The following ADAMTSL1 variants were observed in gnomAD, a reference collection of about 807,000 sequenced individuals.
ADAMTSL1 encodes the protein ADAMTS-like protein 1.
In ADAMTSL1, 126 loss-of-function variants were observed where a neutral mutation model predicts 201.8. The observed-to-expected ratio is 0.62, with a 90% confidence interval of 0.54 to 0.72. The LOEUF (loss-of-function observed/expected upper bound fraction) is 0.72. Among genes scored for constraint, ADAMTSL1 ranks in the 30% least tolerant of loss-of-function variants. ADAMTSL1 has a pLI of 0.00. For missense variants in ADAMTSL1, 2,679 were observed against 2,277.8 expected, an observed-to-expected ratio of 1.18 and a Z score of -3.59; for synonymous variants, 1,121 against 903.4, an observed-to-expected ratio of 1.24 and a Z score of -4.32.
At chr9:18,231,482 C>A (rs372841678) in intron 2 of ADAMTSL1, among the ~76,000 whole-genome samples, 25 of 152,152 alleles carry the variant, frequency 1.6e-4, no homozygotes, top group African/African-American at 5.3e-4. Context: ...TGGTTTTCCT[C>A]CTATTTTTCT....
At chr9:18,032,006 C>G (rs966554174) in intron 1 of ADAMTSL1, among the ~76,000 whole-genome samples, 7 of 152,188 alleles carry the variant, frequency 4.6e-5, no homozygotes, top group African/African-American at 1.7e-4. Context: ...CTAGTTCATG[C>G]TTTTCAGACT....
intron 1 of ADAMTSL1, chr9:18,163,829 T>C (rs149020528): frequency 1.6e-3 from 236 of 152,164 alleles, no homozygotes; most frequent in African/African-American, 5.4e-3. Flanking sequence ...AGGCTCTGTC[T>C]GAAGGCTTAA....
intron 2 of ADAMTSL1, among the ~76,000 whole-genome samples, chr9:18,327,216 G>C (rs1834861876): frequency 6.6e-6 from 1 of 152,158 alleles, no homozygotes; most frequent in Non-Finnish European, 1.5e-5. Flanking sequence ...TTGCTGTTCT[G>C]ATATTGCATT....
chr9:18,544,365 T>C (rs1012655779), intron 3 of ADAMTSL1, among the ~76,000 whole-genome samples: 2 of 152,202 alleles, frequency 1.3e-5, no homozygotes, highest in Non-Finnish European at 2.9e-5. Context: ...TTCACTCTTG[T>C]TCATAACTCA....
At chr9:18,883,506 A>T (rs905379140) in intron 23 of ADAMTSL1, among the ~76,000 whole-genome samples, 5 of 152,168 alleles carry the variant, frequency 3.3e-5, no homozygotes, top group African/African-American at 1.2e-4. Flanking sequence ...GCATACATCT[A>T]CCTTGTTGTG....
intron 1 of ADAMTSL1, among the ~76,000 whole-genome samples, chr9:18,041,015 C>G (rs1821405459): frequency 6.6e-6 from 1 of 152,080 alleles, no homozygotes; most frequent in African/African-American, 2.4e-5. Context: ...GTATAAAATG[C>G]TTATTGATAT....
chr9:18,199,495 A>C (rs1829340441), intron 2 of ADAMTSL1, among the ~76,000 whole-genome samples: 1 of 152,136 alleles, frequency 6.6e-6, no homozygotes, highest in Non-Finnish European at 1.5e-5. Flanking sequence ...GGGCAATGAA[A>C]GAAAAAACAA....
chr9:18,860,121 T>C (rs1369560479), intron 23 of ADAMTSL1, among the ~76,000 whole-genome samples: 1 of 152,268 alleles, frequency 6.6e-6, no homozygotes, highest in Admixed American at 6.5e-5. Flanking sequence ...TTTTAGTCTA[T>C]AATGAACATG....
intron 1 of ADAMTSL1, among the ~76,000 whole-genome samples, chr9:18,105,580 C>T (rs10963455): frequency 0.036 from 5,500 of 152,220 alleles, 369 homozygotes; most frequent in East Asian, 0.35. Flanking sequence ...AAGAATATTA[C>T]TGTAGTGGAG....
chr9:18,069,414 T>C (rs1822854730), intron 1 of ADAMTSL1, among the ~76,000 whole-genome samples: 1 of 152,164 alleles, frequency 6.6e-6, no homozygotes, highest in Admixed American at 6.5e-5. Context: ...TATACATACA[T>C]ACATACATAC....
At chr9:18,653,447 C>T (rs998607865) in intron 7 of ADAMTSL1, among the ~76,000 whole-genome samples, 1 of 152,114 alleles carries the variant, frequency 6.6e-6, no homozygotes, top group Admixed American at 6.6e-5. Flanking sequence ...ATCTACTGCC[C>T]TACTCAAGGG....
intron 1 of ADAMTSL1, among the ~76,000 whole-genome samples, chr9:18,068,839 G>T (rs997790401): frequency 5.9e-5 from 9 of 152,214 alleles, no homozygotes; most frequent in African/African-American, 2.2e-4. Context: ...AAGGCAGCAT[G>T]TGAAAGATCA....
intron 20 of ADAMTSL1, among the ~76,000 whole-genome samples, chr9:18,800,116 C>T (rs564511733): frequency 2.6e-5 from 4 of 152,198 alleles, no homozygotes; most frequent in Non-Finnish European, 5.9e-5. Context: ...GTGGCTCATG[C>T]CTGTAATCCC....
intron 15 of ADAMTSL1, among the ~76,000 whole-genome samples, chr9:18,738,206 A>AT (rs1818628065): frequency 2.0e-5 from 3 of 152,140 alleles, no homozygotes. Flanking sequence ...ATAAGAAAGG[A>AT]TTTTCTTACA....
At chr9:18,551,373 T>C (rs892156599) in intron 3 of ADAMTSL1, among the ~76,000 whole-genome samples, 1 of 151,924 alleles carries the variant, frequency 6.6e-6, no homozygotes, top group Non-Finnish European at 1.5e-5. Context: ...TTATTTCTTA[T>C]ATAATTCTTA....
At chr9:18,756,106 T>C (rs1819742216) in intron 16 of ADAMTSL1, among the ~76,000 whole-genome samples, 1 of 66,038 alleles carries the variant, frequency 1.5e-5, no homozygotes, top group African/African-American at 8.5e-5. Flanking sequence ...TATATATATA[T>C]ATATATATAT....
At chr9:18,409,754 A>T (rs1251082869) in intron 2 of ADAMTSL1, among the ~76,000 whole-genome samples, 3 of 150,590 alleles carry the variant, frequency 2.0e-5, no homozygotes, top group Non-Finnish European at 3.0e-5. Flanking sequence ...ATATATACAT[A>T]ACATATATGT....
chr9:18,290,241 G>T (rs1229830620), intron 2 of ADAMTSL1, among the ~76,000 whole-genome samples: 1 of 151,856 alleles, frequency 6.6e-6, no homozygotes, highest in African/African-American at 2.4e-5. Flanking sequence ...TCAGGACTAG[G>T]TTGATCTTTT....
intron 1 of ADAMTSL1, among the ~76,000 whole-genome samples, chr9:17,970,697 C>T (rs1242811777): frequency 6.6e-6 from 1 of 151,988 alleles, no homozygotes; most frequent in Non-Finnish European, 1.5e-5. Context: ...GATGTTGTCC[C>T]TGGTTCTGCT....
Sources: gnomAD v4.1 joint callset for allele counts (sites outside exome capture counted in the v4.1 genomes callset) on GRCh38, gnomAD v4.1.1 for gene constraint, MANE v1.5 for transcripts, NCBI Gene and HGNC (gene_info 2026-07-23, HGNC 2026-07-21) for gene names.